Variants in MEI4 observed in about 807,000 individuals in gnomAD.
The protein encoded by MEI4 is meiosis-specific protein MEI4.
A neutral mutation model predicts 31.4 loss-of-function variants in MEI4; 27 were observed. The ratio of observed to expected loss-of-function variants is 0.86; its 90% CI spans 0.63 to 1.19. The LOEUF (loss-of-function observed/expected upper bound fraction) is 1.19, where lower values mean the gene tolerates loss of function less well. Among genes scored for constraint, MEI4 ranks in the 50% most tolerant of loss-of-function variants. The probability of loss-of-function intolerance (pLI) is 0.00; values close to 1 mark genes in which losing one functional copy is unlikely to be tolerated. For missense variants in MEI4, 329 were observed against 398.9 expected (o/e 0.82, Z 1.49); for synonymous variants, 122 against 145.4 (o/e 0.84, Z 1.16).
intron 2 of MEI4, among the ~76,000 whole-genome samples, chr6:77,710,306 G>A (rs780349114): frequency 9.2e-5 from 14 of 151,962 alleles, no homozygotes; most frequent in Non-Finnish European, 1.3e-4. Context: ...GGCAGATCAC[G>A]AGGTCAAGAG....
chr6:77,704,100 T>G (rs1766281825), intron 2 of MEI4, among the ~76,000 whole-genome samples: 3 of 152,224 alleles, frequency 2.0e-5, no homozygotes, highest in Non-Finnish European at 4.4e-5. Flanking sequence ...GTGGAAAGAC[T>G]TGTCCTAGAT....
At chr6:77,902,938 T>G (rs1352764683) in intron 4 of MEI4, among the ~76,000 whole-genome samples, 1 of 152,130 alleles carries the variant, frequency 6.6e-6, no homozygotes, top group Non-Finnish European at 1.5e-5. Flanking sequence ...GTGTCACGGA[T>G]GCATGTGCTC....
intron 4 of MEI4, among the ~76,000 whole-genome samples, chr6:77,856,236 T>G (rs1770742733): frequency 6.6e-6 from 1 of 152,134 alleles, no homozygotes; most frequent in African/African-American, 2.4e-5. Context: ...AGTGTACACT[T>G]AAGTACATTA....
intron 2 of MEI4, among the ~76,000 whole-genome samples, chr6:77,699,924 C>G (rs373914693): frequency 6.6e-6 from 1 of 151,406 alleles, no homozygotes; most frequent in Non-Finnish European, 1.5e-5. Flanking sequence ...TTTGGTGACC[C>G]GCAAATGCTG....
chr6:77,842,609 G>A (rs967946927), intron 4 of MEI4, among the ~76,000 whole-genome samples: 1 of 152,072 alleles, frequency 6.6e-6, no homozygotes, highest in Non-Finnish European at 1.5e-5. Flanking sequence ...TATCTGTAAT[G>A]ATGTCCACTT....
intron 3 of MEI4, among the ~76,000 whole-genome samples, chr6:77,796,539 A>G (rs1769080810): frequency 6.6e-6 from 1 of 152,200 alleles, no homozygotes; most frequent in Admixed American, 6.6e-5. Context: ...TAAACATTTA[A>G]AAAAATCAGG....
At chr6:77,802,445 T>G (rs1483066772) in intron 3 of MEI4, among the ~76,000 whole-genome samples, 1 of 152,224 alleles carries the variant, frequency 6.6e-6, no homozygotes, top group African/African-American at 2.4e-5. Flanking sequence ...CTGTGTCTTT[T>G]AATTGGAGCA....
intron 4 of MEI4, among the ~76,000 whole-genome samples, chr6:77,899,405 T>C (rs575547208): frequency 2.6e-5 from 4 of 152,178 alleles, no homozygotes; most frequent in African/African-American, 9.6e-5. Context: ...TAAAATGTGA[T>C]TAGATAATGA....
intron 4 of MEI4, among the ~76,000 whole-genome samples, chr6:77,862,132 C>T (rs1770882443): frequency 6.6e-6 from 1 of 151,776 alleles, no homozygotes; most frequent in Non-Finnish European, 1.5e-5. Context: ...CTACAGCTCC[C>T]AACGTGAGTG....
At chr6:77,780,689 T>C (rs1768571822) in intron 3 of MEI4, among the ~76,000 whole-genome samples, 2 of 152,190 alleles carry the variant, frequency 1.3e-5, no homozygotes, top group South Asian at 4.1e-4. Context: ...GGTTCCCCCA[T>C]ATTTGAAACT....
In MEI4 at chr6:77,877,642, A is replaced by G. The variant is rs1042976461; in HGVS notation, c.901-45447A>G. On this transcript the variant is annotated intron_variant, in intron 4 of 4. Transcript: ENST00000684080. ...CCCTTTACAAAATGAATACTTTGAA[A>G]TTGTGTCTCTCTCCCTAATAGTTTT... 2.6e-5 allele frequency among the ~76,000 whole-genome samples: 4 copies of G among 151,318 alleles called. No individual in the cohort carries two copies. In the South Asian group the frequency reaches 8.4e-4, roughly 32 times the overall value.
At chr6:77,879,635 T>C (rs1290864290) in intron 4 of MEI4, among the ~76,000 whole-genome samples, 2 of 152,188 alleles carry the variant, frequency 1.3e-5, no homozygotes, top group Non-Finnish European at 2.9e-5. Context: ...TCCAAGCCTA[T>C]TGGAGTTGAA....
At chr6:77,706,071 C>T (rs1398489532) in intron 2 of MEI4, among the ~76,000 whole-genome samples, 1 of 152,112 alleles carries the variant, frequency 6.6e-6, no homozygotes, top group Non-Finnish European at 1.5e-5. Context: ...CTTCTTTCTC[C>T]CACTCCTCTT....
At chr6:77,736,064 C>T (rs918882063) in intron 2 of MEI4, among the ~76,000 whole-genome samples, 2 of 152,070 alleles carry the variant, frequency 1.3e-5, no homozygotes, top group Non-Finnish European at 2.9e-5. Context: ...TTTAAGTCTG[C>T]AGAGGTTACT....
At chr6:77,858,046 A>G (rs905876848) in intron 4 of MEI4, among the ~76,000 whole-genome samples, 3 of 152,208 alleles carry the variant, frequency 2.0e-5, no homozygotes, top group Admixed American at 6.5e-5. Flanking sequence ...TATAAAAGGA[A>G]TCATATTCAG....
Position 77,918,089 on chromosome 6 carries a change from G to A in MEI4, c.901-5000G>A, listed in dbSNP as rs375465169. On this transcript the variant is annotated intron_variant, in intron 4 of 4. Transcript: ENST00000684080. ...GATCAGATAGTTGTAGATATGTGGC[G>A]TTATTTCTGAGGGCTCTGTTCTGTT... is the stretch of plus-strand genomic sequence containing the variant. Among the ~76,000 whole-genome samples, 784 of 150,084 alleles carry A rather than the reference G, an allele frequency of 5.2e-3. 2 individuals are homozygous for A. Among genetic ancestry groups the A allele is most frequent in the Middle Eastern group, 0.028 (8 of 288 alleles).
chr6:77,701,386 T>C (rs748670289), intron 2 of MEI4, among the ~76,000 whole-genome samples: 10 of 152,044 alleles, frequency 6.6e-5, no homozygotes, highest in Non-Finnish European at 1.3e-4. Context: ...TGGCATAGAA[T>C]TTCCGTAGGC....
chr6:77,749,162 A>C (rs1386947171), intron 2 of MEI4, among the ~76,000 whole-genome samples: 1 of 152,224 alleles, frequency 6.6e-6, no homozygotes, highest in Admixed American at 6.5e-5. Context: ...AAAGATGGGG[A>C]GAAACCAGTG....
At chr6:77,886,585 C>T (rs760834776) in intron 4 of MEI4, among the ~76,000 whole-genome samples, 24 of 152,044 alleles carry the variant, frequency 1.6e-4, no homozygotes, top group Non-Finnish European at 2.5e-4. Context: ...CACCCACAAC[C>T]GTGGCTGGCT....
Sources: gnomAD v4.1 joint callset for allele counts (sites outside exome capture counted in the v4.1 genomes callset) on GRCh38, gnomAD v4.1.1 for gene constraint, MANE v1.5 for transcripts, NCBI Gene and HGNC (gene_info 2026-07-23, HGNC 2026-07-21) for gene names.